SLC25A26: variants seen among roughly 807,000 people sequenced by gnomAD.
The protein encoded by SLC25A26 is solute carrier family 25 member 26.
Under a neutral mutation model 37.8 loss-of-function variants are expected in SLC25A26, and 36 were observed. That is an observed-to-expected ratio of 0.95 (90% CI 0.73 to 1.26). The LOEUF (loss-of-function observed/expected upper bound fraction) is 1.26, where lower values mean the gene tolerates loss of function less well. Among genes scored for constraint, SLC25A26 ranks in the 50% most tolerant of loss-of-function variants. SLC25A26 has a pLI of 0.00. For missense variants in SLC25A26, 390 were observed against 331.1 expected (o/e 1.18, Z -1.38); for synonymous variants, 129 against 122.5 (o/e 1.05, Z -0.35).
At chr3:66,143,499 A>G (rs2070067887) in intron 1 of SLC25A26, among the ~76,000 whole-genome samples, 1 of 152,168 alleles carries the variant, frequency 6.6e-6, no homozygotes, top group Non-Finnish European at 1.5e-5. Flanking sequence ...CTGGAACTTA[A>G]TTTCTAATAT....
At chr3:66,281,957 G>A (rs2074355379) in intron 5 of SLC25A26, among the ~76,000 whole-genome samples, 2 of 149,142 alleles carry the variant, frequency 1.3e-5, no homozygotes, top group Admixed American at 6.7e-5. Flanking sequence ...CGAGTAACTG[G>A]GATTACAGGC....
chr3:66,324,580 G>A (rs988844356), intron 5 of SLC25A26, among the ~76,000 whole-genome samples: 28 of 152,270 alleles, frequency 1.8e-4, no homozygotes, highest in African/African-American at 6.5e-4. Flanking sequence ...CCCTAAGCAA[G>A]GAGGGAGTTT....
At chr3:66,351,877 C>T (rs2076461385) in intron 6 of SLC25A26, among the ~76,000 whole-genome samples, 2 of 152,152 alleles carry the variant, frequency 1.3e-5, no homozygotes, top group South Asian at 4.1e-4. Flanking sequence ...CTACACTGGC[C>T]TCTCCAGTGG....
intron 3 of SLC25A26, among the ~76,000 whole-genome samples, chr3:66,248,974 C>A (rs528155467): frequency 2.6e-5 from 4 of 152,304 alleles, no homozygotes; most frequent in African/African-American, 9.6e-5. Context: ...CATAAAACAT[C>A]TGAACTTACA....
chr3:66,255,784 T>G (rs2073275740), intron 3 of SLC25A26, among the ~76,000 whole-genome samples: 1 of 152,062 alleles, frequency 6.6e-6, no homozygotes, highest in Non-Finnish European at 1.5e-5. Context: ...AGGATCAGAG[T>G]TAATAGAAAA....
At chr3:66,310,332 T>G (rs6769125) in intron 5 of SLC25A26, among the ~76,000 whole-genome samples, 13,982 of 152,278 alleles carry the variant, frequency 0.092, 2,090 homozygotes, top group African/African-American at 0.32. Flanking sequence ...CCCTGCTTTT[T>G]TTTGCTTTCC....
intron 5 of SLC25A26, among the ~76,000 whole-genome samples, chr3:66,321,401 C>T (rs562715986): frequency 2.0e-5 from 3 of 152,348 alleles, no homozygotes; most frequent in Admixed American, 6.5e-5. Context: ...GCCCCAGTCA[C>T]CTCCTGCACT....
intron 2 of SLC25A26, among the ~76,000 whole-genome samples, chr3:66,240,065 C>T (rs977997207): frequency 3.3e-5 from 5 of 151,874 alleles, no homozygotes; most frequent in Admixed American, 1.3e-4. Context: ...GCACTAACCA[C>T]GACAAAAAAT....
intron 3 of SLC25A26, among the ~76,000 whole-genome samples, chr3:66,257,612 G>C (rs1203389209): frequency 6.6e-6 from 1 of 152,090 alleles, no homozygotes; most frequent in Non-Finnish European, 1.5e-5. Flanking sequence ...TTCATTTCCT[G>C]TGGGGTCTTC....
At chr3:66,286,538 T>C (rs1024410806) in intron 5 of SLC25A26, among the ~76,000 whole-genome samples, 5 of 152,174 alleles carry the variant, frequency 3.3e-5, no homozygotes, top group Non-Finnish European at 5.9e-5. Context: ...AAGAAATATA[T>C]ATATTAAGGA....
At chr3:66,183,461 C>T (rs552377616) in intron 1 of SLC25A26, among the ~76,000 whole-genome samples, 4 of 152,072 alleles carry the variant, frequency 2.6e-5, no homozygotes, top group African/African-American at 9.6e-5. Context: ...ACCGTGTCCC[C>T]GAACATATGG....
In SLC25A26 at chr3:66,377,825, C is replaced by T. The variant is rs1282786293; in HGVS notation, c.*18C>T. The T allele has an allele frequency of 1.3e-6, 2 of 1,581,800 alleles. No individual in the cohort carries two copies. The highest frequency in any genetic ancestry group is 1.7e-6 in the Non-Finnish European group (2 of 1,150,836). Reference sequence around the variant, plus strand: ...GTCCTTGAAGCAGAGACAAGCCTCACCTCCACTTCTGTCAAGAGAGGGGCC... The same window carrying T: ...GTCCTTGAAGCAGAGACAAGCCTCATCTCCACTTCTGTCAAGAGAGGGGCC... On this transcript the variant is annotated 3_prime_UTR_variant, in exon 10 of 10. Transcript: ENST00000354883.
chr3:66,247,817 A>T (rs1041279433), intron 3 of SLC25A26, among the ~76,000 whole-genome samples: 2 of 152,196 alleles, frequency 1.3e-5, no homozygotes, highest in African/African-American at 4.8e-5. Flanking sequence ...TTTTAGTCTC[A>T]TAGAAGATAA....
chr3:66,169,802 A>G (rs542630113), intron 1 of SLC25A26, among the ~76,000 whole-genome samples: 1 of 152,250 alleles, frequency 6.6e-6, no homozygotes, highest in Non-Finnish European at 1.5e-5. Flanking sequence ...GAATCAAAAA[A>G]TGATTGCAGA....
At chr3:66,326,743 C>T (rs370100208) in intron 5 of SLC25A26, among the ~76,000 whole-genome samples, 43 of 152,236 alleles carry the variant, frequency 2.8e-4, no homozygotes, top group African/African-American at 9.4e-4. Flanking sequence ...ATGTTGAGCC[C>T]CAAATGTGTT....
At chr3:66,180,779 G>A (rs1485773327) in intron 1 of SLC25A26, among the ~76,000 whole-genome samples, 1 of 152,134 alleles carries the variant, frequency 6.6e-6, no homozygotes, top group Non-Finnish European at 1.5e-5. Context: ...TCTATTGCTT[G>A]TCTGTTATGG....
chr3:66,259,760 A>C (rs893826842), intron 3 of SLC25A26, among the ~76,000 whole-genome samples: 1 of 151,904 alleles, frequency 6.6e-6, no homozygotes, highest in South Asian at 2.1e-4. Context: ...TGTCCTGTGC[A>C]TTGCAGCCAG....
intron 3 of SLC25A26, among the ~76,000 whole-genome samples, chr3:66,251,152 G>T (rs940877456): frequency 4.6e-5 from 7 of 152,142 alleles, no homozygotes; most frequent in African/African-American, 1.7e-4. Context: ...TCACCCTGAG[G>T]CGAAGCAGGG....
At chr3:66,357,963 T>C (rs548367188) in intron 6 of SLC25A26, among the ~76,000 whole-genome samples, 6 of 152,200 alleles carry the variant, frequency 3.9e-5, no homozygotes, top group Non-Finnish European at 7.3e-5. Context: ...CTTCTCAACA[T>C]TGAATGAGAT....
Sources: allele counts gnomAD v4.1 joint callset (sites outside exome capture counted in the v4.1 genomes callset), GRCh38; gene constraint gnomAD v4.1.1; transcripts MANE v1.5; gene names NCBI Gene and HGNC (gene_info 2026-07-23, HGNC 2026-07-21).